TBC1D4: variants seen among roughly 807,000 people sequenced by gnomAD.
TBC1D4 encodes the protein TBC1 domain family member 4, also known as TBC (Tre-2, BUB2, CDC16) domain-containing protein.
Under a neutral mutation model 142.5 loss-of-function variants are expected in TBC1D4, and 121 were observed. The observed-to-expected ratio is 0.85, with a 90% CI of 0.73 to 0.99. The LOEUF (loss-of-function observed/expected upper bound fraction) is 0.99, where lower values mean the gene tolerates loss of function less well. Among genes scored for constraint, TBC1D4 ranks in the 50% least tolerant of loss-of-function variants. TBC1D4 has a pLI of 0.00. For missense variants in TBC1D4, 1,475 were observed against 1,606.6 expected, an observed-to-expected ratio of 0.92 and a Z score of 1.40; for synonymous variants, 630 against 628.2, an observed-to-expected ratio of 1.00 and a Z score of -0.04.
intron 1 of TBC1D4, among the ~76,000 whole-genome samples, chr13:75,421,008 G>C (rs1357802898): frequency 6.6e-6 from 1 of 152,172 alleles, no homozygotes; most frequent in Non-Finnish European, 1.5e-5. Flanking sequence ...CAAAAGCAGA[G>C]ACGAATAAAA....
chr13:75,471,601 G>A (rs954221178), intron 1 of TBC1D4, among the ~76,000 whole-genome samples: 3 of 152,104 alleles, frequency 2.0e-5, no homozygotes, highest in African/African-American at 7.2e-5. Flanking sequence ...AGCCAGGTGT[G>A]GTGGCACACA....
At chr13:75,351,740 G>C (rs112914486) in intron 4 of TBC1D4, among the ~76,000 whole-genome samples, 5,485 of 152,132 alleles carry the variant, frequency 0.036, 223 homozygotes, top group East Asian at 0.12. Context: ...TCCCTAACAT[G>C]AACTCATCAT....
chr13:75,399,947 C>T (rs1195100426), intron 1 of TBC1D4, among the ~76,000 whole-genome samples: 2 of 152,020 alleles, frequency 1.3e-5, no homozygotes, highest in East Asian at 1.9e-4. Context: ...TGGGGAGAGA[C>T]CAAAAGGAGA....
At chr13:75,446,899 A>G (rs1887307984) in intron 1 of TBC1D4, among the ~76,000 whole-genome samples, 1 of 152,136 alleles carries the variant, frequency 6.6e-6, no homozygotes, top group Admixed American at 6.5e-5. Context: ...AAAATGTCCC[A>G]TCAGCAGGAA....
intron 1 of TBC1D4, among the ~76,000 whole-genome samples, chr13:75,453,861 CA>C (rs749925716): frequency 0.02 from 1,588 of 81,432 alleles, 14 homozygotes; most frequent in African/African-American, 0.043. Flanking sequence ...GACTCTGTCT[CA>C]AAAAAAAAAA....
At chr13:75,354,435 G>A (rs1246255567) in intron 4 of TBC1D4, among the ~76,000 whole-genome samples, 1 of 152,174 alleles carries the variant, frequency 6.6e-6, no homozygotes, top group African/African-American at 2.4e-5. Context: ...GGAAATGGGG[G>A]AGAAATGGAG....
chr13:75,342,425 G>A (rs1031438441), intron 5 of TBC1D4, among the ~76,000 whole-genome samples: 1 of 152,166 alleles, frequency 6.6e-6, no homozygotes, highest in Non-Finnish European at 1.5e-5. Context: ...TAAAAGGCAA[G>A]ACTACGGCTT....
At position 75,301,408 on chromosome 13, in the gene TBC1D4, G is replaced by A. The variant is rs191210008; in HGVS notation, c.2911+835C>T. On this transcript the variant is annotated intron_variant, in intron 16 of 20. Coordinates refer to ENST00000377636, the MANE Select transcript of TBC1D4 (RefSeq NM_014832.5). ...TGTAATCCCAGCACTCTGGGAGGCC[G>A]AGGCGGGTGGATCACGAGGTCAGGA... Among the ~76,000 whole-genome samples the A allele has an allele frequency of 4.5e-3, 687 of 152,198 alleles. 5 individuals carry two copies. Among genetic ancestry groups the A allele is most frequent in the African/African-American group, 0.015 (606 of 41,544 alleles).
chr13:75,303,162 A>G (rs1876761156), intron 15 of TBC1D4, among the ~76,000 whole-genome samples: 2 of 152,082 alleles, frequency 1.3e-5, no homozygotes, highest in African/African-American at 2.4e-5. Context: ...TACTAAAAAT[A>G]CAAAAATTAG....
chr13:75,425,149 A>T (rs924268320), intron 1 of TBC1D4, among the ~76,000 whole-genome samples: 3 of 138,150 alleles, frequency 2.2e-5, no homozygotes, highest in Admixed American at 6.9e-5. Flanking sequence ...TCAATAGTTT[A>T]AAAAAAAACA....
chr13:75,312,018 G>A (rs73531905), intron 13 of TBC1D4, among the ~76,000 whole-genome samples: 3,215 of 152,146 alleles, frequency 0.021, 116 homozygotes, highest in African/African-American at 0.073. Context: ...TTTCACTCCA[G>A]AATTCTTTTA....
intron 1 of TBC1D4, among the ~76,000 whole-genome samples, chr13:75,429,559 T>TA (rs927781277): frequency 1.1e-4 from 17 of 151,930 alleles, no homozygotes; most frequent in African/African-American, 3.1e-4. Flanking sequence ...ATTGTTGTCA[T>TA]AAAAAAAAGT....
At chr13:75,322,192 C>G (rs1206976654) in intron 11 of TBC1D4, among the ~76,000 whole-genome samples, 1 of 152,174 alleles carries the variant, frequency 6.6e-6, no homozygotes, top group African/African-American at 2.4e-5. Flanking sequence ...TTGGCCTATT[C>G]ATTTTCTGCT....
chr13:75,309,905 A>G, intron 14 of TBC1D4, 37 bp downstream of exon 14: 1 of 1,606,970 alleles, frequency 6.2e-7, no homozygotes, highest in African/African-American at 1.3e-5. Context: ...CCCTTCAATC[A>G]TAGCATCATA....
In TBC1D4 at chr13:75,481,427, G is replaced by C. The variant is rs372105072; in HGVS notation, c.341C>G (p.Pro114Arg). Residue 114 changes from proline to arginine, a missense_variant, in exon 1 of 21, where the codon CCG becomes CGG. Transcript: ENST00000377636. Reference protein sequence around the residue: ...GTSPSATQPNPAVFIFEHKAQ... With the variant: ...GTSPSATQPNRAVFIFEHKAQ... The stretch of plus-strand genomic sequence containing the variant: ...CTTGTGCTCGAAGATGAATACCGCC[G>C]GGTTGGGCTGCGTGGCCGACGGACT... 2 of 1,613,732 alleles carry C rather than the reference G, an allele frequency of 1.2e-6. No homozygotes were observed. Among genetic ancestry groups the C allele is most frequent in the African/African-American group, 2.7e-5 (2 of 74,920 alleles).
At chr13:75,320,809 G>T (rs1456110529) in intron 11 of TBC1D4, among the ~76,000 whole-genome samples, 3 of 149,104 alleles carry the variant, frequency 2.0e-5, no homozygotes, top group Non-Finnish European at 4.4e-5. Flanking sequence ...GGATCACGAG[G>T]TCAGGAGATC....
At chr13:75,450,541 A>G (rs1232491624) in intron 1 of TBC1D4, among the ~76,000 whole-genome samples, 1 of 152,180 alleles carries the variant, frequency 6.6e-6, no homozygotes, top group Non-Finnish European at 1.5e-5. Context: ...ACCTCTTTTT[A>G]TAAGTGTATA....
chr13:75,326,565 A>C, intron 9 of TBC1D4, 142 bp from the exon 10 acceptor site: 1 of 852,702 alleles, frequency 1.2e-6, no homozygotes, highest in Non-Finnish European at 1.9e-6. Context: ...CTTTTACTTA[A>C]TTTATGCCGT....
chr13:75,345,464 T>C (rs916880300), intron 5 of TBC1D4, among the ~76,000 whole-genome samples: 2 of 152,220 alleles, frequency 1.3e-5, no homozygotes, highest in Admixed American at 1.3e-4. Flanking sequence ...CAAGTCCTTC[T>C]TTTTACTCCC....
Sources: allele counts gnomAD v4.1 joint callset (sites outside exome capture counted in the v4.1 genomes callset), GRCh38; gene constraint gnomAD v4.1.1; transcripts MANE v1.5; gene names NCBI Gene and HGNC (gene_info 2026-07-23, HGNC 2026-07-21).